CSMD2: variants seen among roughly 807,000 people sequenced by gnomAD.
The protein encoded by CSMD2 is CUB and Sushi multiple domains 2.
CSMD2 carries 130 observed loss-of-function variants against 398.5 expected under a neutral mutation model. That is an observed-to-expected ratio of 0.33 (90% CI 0.28 to 0.38). The LOEUF (loss-of-function observed/expected upper bound fraction) is 0.38. Among genes scored for constraint, CSMD2 ranks in the 10% least tolerant of loss-of-function variants. CSMD2 has a pLI of 1.00. For missense variants in CSMD2, 3,829 were observed against 4,764.9 expected (o/e 0.80, Z 5.78); for synonymous variants, 1,828 against 1,908.5 (o/e 0.96, Z 1.10).
intron 12 of CSMD2, among the ~76,000 whole-genome samples, chr1:33,776,231 G>A (rs764367890): frequency 3.3e-5 from 5 of 152,140 alleles, no homozygotes; most frequent in Non-Finnish European, 5.9e-5. Context: ...GAGGAGAAAG[G>A]GGCCCCCTAC....
chr1:33,742,588 C>CCG (rs1557825025), intron 14 of CSMD2, among the ~76,000 whole-genome samples: 3 of 143,110 alleles, frequency 2.1e-5, no homozygotes, highest in Admixed American at 7.0e-5. Flanking sequence ...CCCCCCCCCC[C>CCG]CCAACCCCCT....
intron 1 of CSMD2, 64 bp from the exon 2 acceptor site, chr1:34,089,257 C>G: frequency 6.9e-7 from 1 of 1,455,914 alleles, no homozygotes; most frequent in Admixed American, 1.9e-5. Context: ...TCTAGAGAGT[C>G]AGGAGCAATG....
intron 32 of CSMD2, among the ~76,000 whole-genome samples, chr1:33,628,824 A>G (rs1642289517): frequency 6.6e-6 from 1 of 152,192 alleles, no homozygotes; most frequent in Non-Finnish European, 1.5e-5. Flanking sequence ...CAACAACAAA[A>G]AAAGAAAATC....
At chr1:33,921,028 C>A (rs533636696) in intron 4 of CSMD2, among the ~76,000 whole-genome samples, 3 of 152,204 alleles carry the variant, frequency 2.0e-5, no homozygotes, top group Middle Eastern at 3.4e-3. Flanking sequence ...TAGGCAGGAC[C>A]GTCTGAACTG....
intron 2 of CSMD2, among the ~76,000 whole-genome samples, chr1:34,045,254 G>T (rs1400492759): frequency 6.6e-6 from 1 of 152,078 alleles, no homozygotes; most frequent in Non-Finnish European, 1.5e-5. Context: ...TCTGGGAAAG[G>T]ATATGCCCAG....
chr1:33,900,934 A>C (rs7528334), intron 5 of CSMD2, among the ~76,000 whole-genome samples: 54,012 of 152,134 alleles, frequency 0.36, 11,135 homozygotes, highest in East Asian at 0.58. Context: ...AAGAGGACAG[A>C]TTGCATCAAA....
In CSMD2 at chr1:33,724,543, A is replaced by G; in HGVS notation, c.2857T>C (p.Trp953Arg). The change falls in exon 18 of 71, where the codon TGG (tryptophan) becomes CGG (arginine). Residue 953 changes from tryptophan to arginine, a missense_variant. By Grantham distance (101) the Trp-to-Arg change is moderately radical. Transcript: ENST00000373381. ...EPLECEPNFQ[W>R]SRALPSCEAL... is the part of the protein sequence containing the mutation. ...TCACAACTGGGCAGGGCCCGGCTCC[A>G]CTGGAAGTTGGGCTCACACTCCAGA... 6.2e-7 allele frequency: 1 copy of G among 1,614,074 alleles called. No individual in the cohort carries two copies. Among genetic ancestry groups the G allele is most frequent in the Non-Finnish European group, 8.5e-7 (1 of 1,180,000 alleles).
rs1641427066 is a variant in CSMD2 at position 33,616,891 on chromosome 1, T to C, written c.6016+15A>G. 6.2e-7 allele frequency: 1 copy of C among 1,609,486 alleles called. No homozygotes were observed. Among genetic ancestry groups the C allele is most frequent in the Non-Finnish European group, 8.5e-7 (1 of 1,175,762 alleles). On this transcript the variant is annotated intron_variant, in intron 39 of 70. Transcript: ENST00000373381. Reference sequence around the variant, plus strand: ...AAATTGGTTGGAATGAATTGTAAAGTCTGGGCTGTCTTACCAATACAGAGT... The same window carrying C: ...AAATTGGTTGGAATGAATTGTAAAGCCTGGGCTGTCTTACCAATACAGAGT...
intron 3 of CSMD2, among the ~76,000 whole-genome samples, chr1:34,016,504 T>C (rs1298646715): frequency 6.6e-6 from 1 of 152,172 alleles, no homozygotes; most frequent in Non-Finnish European, 1.5e-5. Context: ...CACGGCTGCA[T>C]AGTATTCCAT....
At chr1:33,744,631 G>A (rs1051958681) in intron 13 of CSMD2, among the ~76,000 whole-genome samples, 31 of 151,824 alleles carry the variant, frequency 2.0e-4, no homozygotes, top group Middle Eastern at 6.8e-3. Flanking sequence ...ATAATAAAAT[G>A]AAAAAAATAA....
At chr1:33,847,373 TGACTTTGG>T (rs903219661) in intron 5 of CSMD2, among the ~76,000 whole-genome samples, 2 of 151,836 alleles carry the variant, frequency 1.3e-5, no homozygotes, top group African/African-American at 4.8e-5. Flanking sequence ...TCCCCCAAGA[TGACTTTGG>T]GAAGCCCCTT....
intron 13 of CSMD2, among the ~76,000 whole-genome samples, chr1:33,763,722 AG>A (rs1476461414): frequency 3.3e-5 from 5 of 152,192 alleles, no homozygotes; most frequent in African/African-American, 1.2e-4. Flanking sequence ...TGGTTCTTAC[AG>A]CCAGATTCTA....
intron 3 of CSMD2, among the ~76,000 whole-genome samples, chr1:34,002,169 T>C (rs374750745): frequency 1.3e-5 from 2 of 152,228 alleles, no homozygotes; most frequent in South Asian, 4.1e-4. Context: ...TCCCTCTAGA[T>C]AGCTAGATGT....
At chr1:33,971,675 G>A (rs1645774728) in intron 3 of CSMD2, among the ~76,000 whole-genome samples, 1 of 152,218 alleles carries the variant, frequency 6.6e-6, no homozygotes, top group South Asian at 2.1e-4. Flanking sequence ...GCAAGCTTGG[G>A]AGGGTCATGT....
intron 11 of CSMD2, among the ~76,000 whole-genome samples, chr1:33,790,785 G>A (rs546720815): frequency 1.5e-4 from 22 of 147,564 alleles, no homozygotes; most frequent in South Asian, 8.6e-4. Context: ...TCAATCAATC[G>A]TCTATCATCT....
chr1:33,828,873 C>T (rs568445634), intron 6 of CSMD2, among the ~76,000 whole-genome samples: 20 of 152,208 alleles, frequency 1.3e-4, no homozygotes, highest in Non-Finnish European at 2.5e-4. Flanking sequence ...CATCATGCAA[C>T]GCAAGCTTGA....
At chr1:33,669,403 T>A (rs1333996123) in intron 25 of CSMD2, among the ~76,000 whole-genome samples, 5 of 152,170 alleles carry the variant, frequency 3.3e-5, no homozygotes, top group Non-Finnish European at 5.9e-5. Flanking sequence ...ACCTTTTCCA[T>A]CAGGACCACG....
intron 6 of CSMD2, among the ~76,000 whole-genome samples, chr1:33,832,795 A>G (rs80278875): frequency 0.78 from 118,100 of 150,628 alleles, 47,150 homozygotes; most frequent in East Asian, 0.94. Context: ...TCAAACAGAC[A>G]CAATAAAAAA....
chr1:33,819,727 C>T lies in CSMD2; in HGVS notation c.1310G>A (p.Arg437Lys). 1 of 1,613,568 alleles carries T rather than the reference C, an allele frequency of 6.2e-7. No homozygotes were observed. Among genetic ancestry groups the T allele is most frequent in the African/African-American group, 1.3e-5 (1 of 75,026 alleles). ...GGCACCCTCACCTCGGCAGACTGGC[C>T]TGTGGTCGCTCCAGGCCGCAAACAT... ...SDMFAAWSDHRPVCRARMCDA... is the reference protein window; with the variant it reads ...SDMFAAWSDHKPVCRARMCDA... The change falls in exon 9 of 71, where the codon AGG (arginine) becomes AAG (lysine). Residue 437 changes from arginine to lysine, a missense_variant. Coordinates refer to ENST00000373381, the MANE Select transcript of CSMD2 (RefSeq NM_001281956.2).
Sources: allele counts gnomAD v4.1 joint callset (sites outside exome capture counted in the v4.1 genomes callset), GRCh38; gene constraint gnomAD v4.1.1; transcripts MANE v1.5; gene names NCBI Gene and HGNC (gene_info 2026-07-23, HGNC 2026-07-21).